The following SORCS3 variants were observed in gnomAD, a reference collection of about 807,000 sequenced individuals.
SORCS3 encodes VPS10 domain-containing receptor SorCS3.
In SORCS3, 57 loss-of-function variants were observed where a neutral mutation model predicts 146.3. That is an observed-to-expected ratio of 0.39 (90% CI 0.31 to 0.49). SORCS3 has a LOEUF of 0.49. Ranked by LOEUF, SORCS3 falls within the 20% of genes least tolerant of loss-of-function variation. The probability of loss-of-function intolerance (pLI) is 0.92; values close to 1 mark genes in which losing one functional copy is unlikely to be tolerated. For synonymous variants in SORCS3, 653 were observed against 618.5 expected (o/e 1.06, Z -0.83); for missense variants, 1,341 against 1,575.5 (o/e 0.85, Z 2.52).
chr10:105,000,827 T>C (rs1281469344), intron 4 of SORCS3, among the ~76,000 whole-genome samples: 1 of 152,142 alleles, frequency 6.6e-6, no homozygotes, highest in Non-Finnish European at 1.5e-5. Flanking sequence ...GTTTACCACA[T>C]AAGGCATAAA....
chr10:105,021,097 C>T (rs975817214), intron 4 of SORCS3, among the ~76,000 whole-genome samples: 4 of 152,338 alleles, frequency 2.6e-5, no homozygotes, highest in African/African-American at 9.6e-5. Flanking sequence ...GAGCCATCAG[C>T]ATGTATGTAC....
intron 1 of SORCS3, among the ~76,000 whole-genome samples, 181 bp downstream of exon 1, chr10:104,642,135 T>C (rs994657598): frequency 6.6e-6 from 1 of 152,120 alleles, no homozygotes; most frequent in African/African-American, 2.4e-5. Flanking sequence ...GAGTTTGTTG[T>C]TAGACGCTGT....
chr10:104,684,565 T>C (rs1236656867), intron 1 of SORCS3, among the ~76,000 whole-genome samples: 2 of 152,166 alleles, frequency 1.3e-5, no homozygotes, highest in Admixed American at 1.3e-4. Context: ...TGTTTGTGGC[T>C]CCTCAGTGGA....
chr10:104,877,747 T>C (rs1035524723), intron 2 of SORCS3, among the ~76,000 whole-genome samples: 5 of 152,196 alleles, frequency 3.3e-5, no homozygotes, highest in Admixed American at 3.3e-4. Flanking sequence ...AAAGATTTCC[T>C]GAGAAGGAGT....
At chr10:104,849,175 C>T (rs563009788) in intron 2 of SORCS3, among the ~76,000 whole-genome samples, 2 of 152,166 alleles carry the variant, frequency 1.3e-5, no homozygotes, top group African/African-American at 2.4e-5. Context: ...CTTTGGGAGG[C>T]TCAGGCGGGT....
intron 1 of SORCS3, among the ~76,000 whole-genome samples, chr10:104,727,054 G>A (rs953498838): frequency 9.2e-5 from 14 of 152,266 alleles, no homozygotes; most frequent in African/African-American, 3.4e-4. Context: ...ATAAGTATTT[G>A]TGTTCACTCA....
intron 22 of SORCS3, among the ~76,000 whole-genome samples, chr10:105,250,496 T>C (rs1049638993): frequency 6.6e-6 from 1 of 152,158 alleles, no homozygotes; most frequent in Non-Finnish European, 1.5e-5. Flanking sequence ...ATGGGTTAAA[T>C]GAATCTGTAT....
chr10:104,971,858 C>A (rs1319333252), intron 3 of SORCS3, among the ~76,000 whole-genome samples: 5 of 151,896 alleles, frequency 3.3e-5, no homozygotes, highest in African/African-American at 1.2e-4. Context: ...TTATGGAAGC[C>A]CCTGGAAGAG....
At chr10:104,748,942 T>C (rs550374560) in intron 1 of SORCS3, among the ~76,000 whole-genome samples, 1 of 152,282 alleles carries the variant, frequency 6.6e-6, no homozygotes, top group African/African-American at 2.4e-5. Flanking sequence ...GAAGAGGGAA[T>C]CCAGTTTTCC....
chr10:104,749,060 C>T (rs1024764218), intron 1 of SORCS3, among the ~76,000 whole-genome samples: 2 of 152,132 alleles, frequency 1.3e-5, no homozygotes, highest in East Asian at 1.9e-4. Context: ...GGGGGGCAGG[C>T]AATTCCAAGG....
chr10:105,214,693 C>T (rs1207742985), intron 18 of SORCS3, 80 bp downstream of exon 18: 6 of 1,319,022 alleles, frequency 4.5e-6, no homozygotes, highest in Non-Finnish European at 6.2e-6. Context: ...TCTTACATTC[C>T]CACAGACCCC....
intron 6 of SORCS3, among the ~76,000 whole-genome samples, chr10:105,095,645 C>T (rs998509186): frequency 6.6e-6 from 1 of 150,468 alleles, no homozygotes; most frequent in African/African-American, 2.4e-5. Context: ...ACCACTCTTT[C>T]TGCTCAATCT....
At chr10:104,688,264 A>G (rs1261680441) in intron 1 of SORCS3, among the ~76,000 whole-genome samples, 1 of 152,200 alleles carries the variant, frequency 6.6e-6, no homozygotes. Flanking sequence ...CTGCACCCTG[A>G]CTGGCCACTC....
At chr10:105,026,320 G>T (rs977199908) in intron 4 of SORCS3, among the ~76,000 whole-genome samples, 1 of 152,162 alleles carries the variant, frequency 6.6e-6, no homozygotes, top group South Asian at 2.1e-4. Flanking sequence ...CACTCTGTGG[G>T]TTCCCCACTT....
At chr10:104,894,868 G>A (rs2018783618) in intron 2 of SORCS3, among the ~76,000 whole-genome samples, 1 of 152,156 alleles carries the variant, frequency 6.6e-6, no homozygotes, top group Non-Finnish European at 1.5e-5. Flanking sequence ...TAGCATCCTG[G>A]AATTGAAATG....
chr10:105,166,667 T>G (rs1378505595), intron 12 of SORCS3, among the ~76,000 whole-genome samples: 1 of 152,062 alleles, frequency 6.6e-6, no homozygotes, highest in Non-Finnish European at 1.5e-5. Flanking sequence ...TAACGTTAGG[T>G]CCCTGGAAGT....
At chr10:105,098,550 T>C (rs1042700074) in intron 6 of SORCS3, among the ~76,000 whole-genome samples, 4 of 152,194 alleles carry the variant, frequency 2.6e-5, no homozygotes, top group Non-Finnish European at 5.9e-5. Flanking sequence ...TAAAATCACC[T>C]GGGTTCAAAT....
chr10:105,153,965 G>A (rs1050075873), intron 9 of SORCS3, among the ~76,000 whole-genome samples: 5 of 150,428 alleles, frequency 3.3e-5, no homozygotes, highest in Admixed American at 1.3e-4. Context: ...AGCCACTCAG[G>A]AGGCTGAGGC....
At chr10:105,193,321 A>G (rs2056527085) in intron 14 of SORCS3, among the ~76,000 whole-genome samples, 1 of 152,212 alleles carries the variant, frequency 6.6e-6, no homozygotes, top group Admixed American at 6.5e-5. Flanking sequence ...TCTTTGACCC[A>G]GAAATAAGGG....
Sources: allele counts gnomAD v4.1 joint callset (sites outside exome capture counted in the v4.1 genomes callset), GRCh38; gene constraint gnomAD v4.1.1; transcripts MANE v1.5; gene names NCBI Gene and HGNC (gene_info 2026-07-23, HGNC 2026-07-21).